EDN1: variants seen among roughly 807,000 people sequenced by gnomAD.
EDN1 encodes the protein endothelin 1.
EDN1 carries 11 observed loss-of-function variants against 21.7 expected under a neutral mutation model. That is an observed-to-expected ratio of 0.51 (90% CI 0.32 to 0.84). The LOEUF is 0.84. EDN1 is among the 40% of genes least tolerant of loss of function. EDN1 has a pLI of 0.03. For synonymous variants in EDN1, 85 were observed against 90.6 expected, an observed-to-expected ratio of 0.94 and a Z score of 0.35; for missense variants, 244 against 262.3, an observed-to-expected ratio of 0.93 and a Z score of 0.48.
chr6:12,293,925 T>C lies in EDN1; in HGVS notation c.234-16T>C. On this transcript the variant is annotated splice_polypyrimidine_tract_variant and intron_variant, in intron 2 of 4. Transcript: ENST00000379375. Reference sequence around the variant, plus strand: ...TAATTACACTAATATAGTTTCTTTCTCTCTTTGGATAATAGGCACGTTGTT... The same window carrying C: ...TAATTACACTAATATAGTTTCTTTCCCTCTTTGGATAATAGGCACGTTGTT... 1 of 1,612,896 alleles carries C rather than the reference T, an allele frequency of 6.2e-7. No individual in the cohort carries two copies. Among genetic ancestry groups the C allele is most frequent in the African/African-American group, 1.3e-5 (1 of 74,096 alleles).
In EDN1 at chr6:12,290,407, T is replaced by A; in HGVS notation, c.-223T>A. ...CCAGGCGAACGGGTCCTGCGCCTCC[T>A]GCAGTCCCAGCTCTCCACCGCCGCG... On this transcript the variant is annotated 5_prime_UTR_variant, in exon 1 of 5. Coordinates refer to ENST00000379375, the MANE Select transcript of EDN1 (RefSeq NM_001955.5). 1.7e-6 allele frequency: 1 copy of A among 580,702 alleles called. No homozygotes were observed. The highest frequency in any genetic ancestry group is 3.0e-5 in the East Asian group (1 of 33,726). The allele number at this position is 580,702 out of a possible 1,614,324, so 36.0% of individuals were successfully genotyped here. A position where few individuals can be genotyped will look rare whatever the true frequency, so the allele number is the denominator to read the frequency against.
At chr6:12,267,587 G>A in the EDN1 span, among the ~76,000 whole-genome samples, 1 of 152,176 alleles carries the variant, frequency 6.6e-6, no homozygotes, top group Non-Finnish European at 1.5e-5. Flanking sequence ...CACTAGCAGA[G>A]GTTGGTTCAT....
the EDN1 span, among the ~76,000 whole-genome samples, chr6:12,256,084 G>A: frequency 6.6e-6 from 1 of 152,164 alleles, no homozygotes; most frequent in Non-Finnish European, 1.5e-5. Flanking sequence ...AGTAGCTCAC[G>A]CTTGTAATCC....
the EDN1 span, among the ~76,000 whole-genome samples, chr6:12,260,090 T>A: frequency 6.6e-6 from 1 of 152,042 alleles, no homozygotes; most frequent in East Asian, 1.9e-4. Flanking sequence ...AACATCTGGG[T>A]AAAATATTTC....
the EDN1 span, among the ~76,000 whole-genome samples, chr6:12,235,823 A>C: frequency 3.3e-5 from 5 of 152,228 alleles, no homozygotes; most frequent in Non-Finnish European, 7.3e-5. Context: ...ATTTTCATTA[A>C]TTTAAATTTA....
the EDN1 span, among the ~76,000 whole-genome samples, chr6:12,240,616 A>C: frequency 2.6e-5 from 4 of 152,220 alleles, no homozygotes; most frequent in Admixed American, 2.6e-4. Flanking sequence ...TCCTGGACTT[A>C]GAACCAGATG....
the EDN1 span, among the ~76,000 whole-genome samples, chr6:12,237,626 T>C: frequency 6.6e-6 from 1 of 152,228 alleles, no homozygotes; most frequent in African/African-American, 2.4e-5. Context: ...CGACTGAGGT[T>C]TTCATCCTAG....
the EDN1 span, among the ~76,000 whole-genome samples, chr6:12,234,482 T>C: frequency 6.6e-6 from 1 of 152,210 alleles, no homozygotes; most frequent in South Asian, 2.1e-4. Context: ...TCTTATTACT[T>C]CAACTTTTAA....
the EDN1 span, among the ~76,000 whole-genome samples, chr6:12,237,618 A>G: frequency 1.3e-5 from 2 of 152,148 alleles, no homozygotes. Flanking sequence ...CTGCTGAACG[A>G]CTGAGGTTTT....
the EDN1 span, among the ~76,000 whole-genome samples, chr6:12,238,013 C>G: frequency 6.6e-6 from 1 of 151,786 alleles, no homozygotes; most frequent in Non-Finnish European, 1.5e-5. Flanking sequence ...CTACTAAAAA[C>G]ACAAAAAATA....
At chr6:12,261,638 G>A in the EDN1 span, among the ~76,000 whole-genome samples, 1 of 152,222 alleles carries the variant, frequency 6.6e-6, no homozygotes, top group Non-Finnish European at 1.5e-5. Flanking sequence ...TAATGCTAAG[G>A]TGCTGAGGAA....
chr6:12,242,175 A>G, the EDN1 span, among the ~76,000 whole-genome samples: 2 of 151,978 alleles, frequency 1.3e-5, no homozygotes, highest in East Asian at 4.1e-4. Flanking sequence ...GGCTTTCTGG[A>G]GGTGTGCAGT....
chr6:12,283,588 C>T, the EDN1 span, among the ~76,000 whole-genome samples: 1 of 152,154 alleles, frequency 6.6e-6, no homozygotes, highest in Non-Finnish European at 1.5e-5. Context: ...GGAAGGGGTT[C>T]CTCAGGGAAC....
the EDN1 span, among the ~76,000 whole-genome samples, chr6:12,248,863 G>A: frequency 6.6e-6 from 1 of 152,176 alleles, no homozygotes; most frequent in African/African-American, 2.4e-5. Context: ...TACGTGCAAA[G>A]GGAAATGATT....
At chr6:12,237,621 G>T in the EDN1 span, among the ~76,000 whole-genome samples, 1 of 152,108 alleles carries the variant, frequency 6.6e-6, no homozygotes, top group Admixed American at 6.6e-5. Context: ...CTGAACGACT[G>T]AGGTTTTCAT....
chr6:12,250,386 G>A, the EDN1 span, among the ~76,000 whole-genome samples: 1 of 152,136 alleles, frequency 6.6e-6, no homozygotes, highest in African/African-American at 2.4e-5. Flanking sequence ...ATAGCTAAAG[G>A]TTTTGCAGGA....
the EDN1 span, among the ~76,000 whole-genome samples, chr6:12,269,146 A>G: frequency 6.6e-6 from 1 of 152,056 alleles, no homozygotes; most frequent in African/African-American, 2.4e-5. Flanking sequence ...TTATAGTTTT[A>G]TAGAAATGCT....
chr6:12,285,771 T>C (rs184583151), upstream of EDN1, among the ~76,000 whole-genome samples: 357 of 152,302 alleles, frequency 2.3e-3, 3 homozygotes, highest in African/African-American at 8.1e-3. Context: ...GATTTCTCCA[T>C]GTTGGTCAGG....
chr6:12,294,268 G>C lies in EDN1; in HGVS notation c.397G>C (p.Asp133His). 1 of 1,614,172 alleles carries C rather than the reference G, an allele frequency of 6.2e-7. No homozygotes were observed. The highest frequency in any genetic ancestry group is 8.5e-7 in the Non-Finnish European group (1 of 1,180,024). ...CCTTGTGTATTTTAACAGGGCTGAA[G>C]ACATTATGGAGAAAGACTGGAATAA... ...CQAGKELRAE[D>H]IMEKDWNNHK... The change falls in exon 4 of 5, where the codon GAC (aspartate) becomes CAC (histidine). Residue 133 changes from aspartate (D) to histidine (H), a missense_variant. Coordinates refer to ENST00000379375, the MANE Select transcript of EDN1 (RefSeq NM_001955.5).
Sources: gnomAD v4.1 joint callset for allele counts (sites outside exome capture counted in the v4.1 genomes callset) on GRCh38, gnomAD v4.1.1 for gene constraint, MANE v1.5 for transcripts, NCBI Gene and HGNC (gene_info 2026-07-23, HGNC 2026-07-21) for gene names.